RASGRP2: variants seen among roughly 807,000 people sequenced by gnomAD.
RASGRP2 encodes RAS guanyl releasing protein 2.
RASGRP2 carries 44 observed loss-of-function variants against 71.0 expected under a neutral mutation model. The ratio of observed to expected loss-of-function variants is 0.62; its 90% CI spans 0.49 to 0.80. The LOEUF (loss-of-function observed/expected upper bound fraction) is 0.80. Among genes scored for constraint, RASGRP2 ranks in the 30% least tolerant of loss-of-function variants. The pLI, the probability that RASGRP2 is intolerant of heterozygous loss-of-function variation, is 0.00. For synonymous variants in RASGRP2, 350 were observed against 330.7 expected (o/e 1.06, Z -0.63); for missense variants, 663 against 813.4 (o/e 0.82, Z 2.25).
In RASGRP2 at chr11:64,727,334, C is replaced by T. The variant is rs760463983; in HGVS notation, c.1798G>A (p.Val600Met). 28 of 1,613,858 alleles carry T rather than the reference C, an allele frequency of 1.7e-5. No individual in the cohort carries two copies. In the South Asian group the frequency reaches 3.0e-4, roughly 17 times the overall value. ...PEIREEEVQTVEDGVFDIHL is the reference protein window; with the variant it reads ...PEIREEEVQTMEDGVFDIHL ...TGGATGTCAAACACCCCATCCTCCACCGTCTGTACCTCCTCCTCACGGATC... is the reference window on the plus strand; with the variant it reads ...TGGATGTCAAACACCCCATCCTCCATCGTCTGTACCTCCTCCTCACGGATC... Residue 600 changes from valine (V) to methionine (M), a missense_variant, in exon 16 of 17, where the codon GTG (valine) becomes ATG (methionine). Coordinates refer to ENST00000394432, the MANE Select transcript of RASGRP2 (RefSeq NM_001098671.2).
chr11:64,738,879 T>C (rs2058028753), intron 8 of RASGRP2, among the ~76,000 whole-genome samples: 1 of 151,846 alleles, frequency 6.6e-6, no homozygotes, highest in South Asian at 2.1e-4. Context: ...TCTCAGCACT[T>C]TGGGAGGCCA....
At position 64,743,748 on chromosome 11, in the gene RASGRP2, C is replaced by T. The variant is rs1378997479; in HGVS notation, c.-72+255G>A. On this transcript the variant is annotated intron_variant, in intron 1 of 16. Coordinates refer to ENST00000394432, the MANE Select transcript of RASGRP2 (RefSeq NM_001098671.2). This position sits in a 1 kb window ranked among gnomAD's most constrained non-coding sequence, Gnocchi z 4.9. ...AGCAGGGTGTCCAGAGGGGGGCGCTCGCGCCAAGGGTGGCCGGTGGGTGCA... is the reference window on the plus strand; with the variant it reads ...AGCAGGGTGTCCAGAGGGGGGCGCTTGCGCCAAGGGTGGCCGGTGGGTGCA... The T allele has an allele frequency of 6.4e-6, 2 of 314,478 alleles. No individual in the cohort carries two copies. The highest frequency in any genetic ancestry group is 2.4e-5 in the South Asian group (1 of 42,550). 19.5% of individuals were successfully genotyped at this position (314,478 alleles called of 1,614,324 possible).
rs781413213 is a variant in RASGRP2, at chr11:64,736,918, G to C, written c.930C>G (p.Asp310Glu). The part of the protein sequence containing the change: ...RFPILGVHLK[D>E]LVALQLALPD... ...GCAGTGCCAGCTGCAGGGCCACCAG[G>C]TCCTTGAGGTGCACACCCAGGATCG... Residue 310 changes from aspartate (D) to glutamate (E), a missense_variant, in exon 9 of 17, where the codon GAC becomes GAG. Asp to Glu is a conservative substitution (Grantham distance 45). Transcript: ENST00000394432. The C allele has an allele frequency of 6.2e-7, 1 of 1,613,974 alleles. No homozygotes were observed. Among genetic ancestry groups the C allele is most frequent in the East Asian group, 2.2e-5 (1 of 44,884 alleles).
In RASGRP2 at chr11:64,742,985, G is replaced by C. The variant is rs936393883; in HGVS notation, c.-71-48C>G. On this transcript the variant is annotated intron_variant, in intron 1 of 16. Transcript: ENST00000394432. This position sits in a 1 kb window ranked among gnomAD's most constrained non-coding sequence, Gnocchi z 4.7. ...GGAGTCTGCGGAGTCGCGGGCGGGG[G>C]AGCGGCCCCGCGGGCAGAAACGGGG... is the stretch of plus-strand genomic sequence containing the variant. 6.6e-7 allele frequency: 1 copy of C among 1,505,346 alleles called. No homozygotes were observed. The highest frequency in any genetic ancestry group is 8.8e-7 in the Non-Finnish European group (1 of 1,131,164). 93.2% of individuals were successfully genotyped at this position (1,505,346 alleles called of 1,614,324 possible). A position where few individuals can be genotyped will look rare whatever the true frequency, so the allele number is the denominator to read the frequency against.
rs533840067 is a variant in RASGRP2 at position 64,740,922 on chromosome 11, C to G, written c.371+26G>C. ...TGGTATAGGATACTGAGTGCCCCCC[C>G]AGCCCTCTGTGCTCCCCCCACGCAC... On this transcript the variant is annotated intron_variant, in intron 5 of 16. Transcript: ENST00000394432. The G allele has an allele frequency of 9.3e-6, 15 of 1,613,526 alleles. No individual in the cohort carries two copies. In the East Asian group the frequency reaches 2.7e-4, roughly 29 times the overall value.
rs2057904553 is a variant in RASGRP2 at position 64,735,525 on chromosome 11, G to T, written c.1296+17C>A. ...TGGCCTCTCCCCACACACTGCTCAG[G>T]CTCCGCAGGAGCTCACCTCCACCAT... On this transcript the variant is annotated intron_variant, in intron 11 of 16. Coordinates refer to ENST00000394432, the MANE Select transcript of RASGRP2 (RefSeq NM_001098671.2). The surrounding 1 kb of genome is among the most constrained non-coding windows in gnomAD (Gnocchi z 4.2). The T allele has an allele frequency of 1.9e-6, 3 of 1,613,638 alleles. No individual in the cohort carries two copies. The African/African-American group carries it at 4.0e-5, about 22-fold the overall frequency.
chr11:64,737,407 A>C (rs2057976749), intron 8 of RASGRP2, among the ~76,000 whole-genome samples: 1 of 152,180 alleles, frequency 6.6e-6, no homozygotes, highest in South Asian at 2.1e-4. Context: ...GTGGTGGCTC[A>C]CACTTGTAAT....
chr11:64,744,120 C>G lies in RASGRP2; in HGVS notation c.-189G>C, dbSNP rs1399103950. Reference sequence around the variant, plus strand: ...CCACACAGGCGCTGACATCCTCACACGTGTGCACACACGCAAGGCAGTGCC... The same window carrying G: ...CCACACAGGCGCTGACATCCTCACAGGTGTGCACACACGCAAGGCAGTGCC... On this transcript the variant is annotated 5_prime_UTR_variant, in exon 1 of 17. Coordinates refer to ENST00000394432, the MANE Select transcript of RASGRP2 (RefSeq NM_001098671.2). The G allele has an allele frequency of 2.0e-6, 2 of 987,574 alleles. No homozygotes were observed. Among genetic ancestry groups the G allele is most frequent in the African/African-American group, 3.5e-5 (2 of 57,256 alleles). 61.2% of individuals were successfully genotyped at this position (987,574 alleles called of 1,614,324 possible). A position where few individuals can be genotyped will look rare whatever the true frequency, so the allele number is the denominator to read the frequency against.
intron 12 of RASGRP2, 47 bp from the exon 13 acceptor site, chr11:64,730,241 C>A (rs1235307672): frequency 6.4e-7 from 1 of 1,550,878 alleles, no homozygotes; most frequent in Non-Finnish European, 8.7e-7. Flanking sequence ...TCCCCAGAAC[C>A]ATCCACCGCT....
chr11:64,742,217 C>A lies in RASGRP2; in HGVS notation c.74-105G>T. On this transcript the variant is annotated intron_variant, in intron 2 of 16. Coordinates refer to ENST00000394432, the MANE Select transcript of RASGRP2 (RefSeq NM_001098671.2). This position sits in a 1 kb window ranked among gnomAD's most constrained non-coding sequence, Gnocchi z 4.7. ...GGTATCGGTCCTTCGGGTGCACGCTCGACCCCGCCCACCTCCTGCTTGCCC... is the reference window on the plus strand; with the variant it reads ...GGTATCGGTCCTTCGGGTGCACGCTAGACCCCGCCCACCTCCTGCTTGCCC... 3.5e-6 allele frequency: 3 copies of A among 851,960 alleles called. No individual in the cohort carries two copies. The highest frequency in any genetic ancestry group is 2.7e-5 in the East Asian group (1 of 37,660). The allele number at this position is 851,960 out of a possible 1,614,324, so 52.8% of individuals were successfully genotyped here.
intron 16 of RASGRP2, 36 bp downstream of exon 16, chr11:64,727,260 G>C: frequency 6.3e-7 from 1 of 1,591,694 alleles, no homozygotes; most frequent in African/African-American, 1.3e-5. Flanking sequence ...CCAGCCCTCA[G>C]TGGGGAGCTC....
Position 64,739,383 on chromosome 11 carries a change from G to A in RASGRP2, c.790C>T (p.His264Tyr). Residue 264 changes from histidine to tyrosine, a missense_variant, in exon 8 of 17, where the codon CAC (histidine) becomes TAC (tyrosine). Physicochemically the swap from His to Tyr is moderately conservative, Grantham distance 83. Coordinates refer to ENST00000394432, the MANE Select transcript of RASGRP2 (RefSeq NM_001098671.2). The surrounding 1 kb of genome is among the most constrained non-coding windows in gnomAD (Gnocchi z 4.2). ...ACCTTGATGGTCTCAGGGCTAACGT[G>A]GCTGTGGGTCTCCTTGAGGCGGGAG... is the stretch of plus-strand genomic sequence containing the variant. ...SISRLKETHS[H>Y]VSPETIKLWE... 1 of 1,614,178 alleles carries A rather than the reference G, an allele frequency of 6.2e-7. No homozygotes were observed. Among genetic ancestry groups the A allele is most frequent in the Non-Finnish European group, 8.5e-7 (1 of 1,180,018 alleles).
At chr11:64,732,590 G>A (rs1211529329) in intron 12 of RASGRP2, among the ~76,000 whole-genome samples, 4 of 152,018 alleles carry the variant, frequency 2.6e-5, no homozygotes, top group Non-Finnish European at 5.9e-5. Flanking sequence ...TCTGGAGGTC[G>A]AGACCACGGT....
At chr11:64,727,966 G>T (rs2057627876) in intron 15 of RASGRP2, among the ~76,000 whole-genome samples, 1 of 152,164 alleles carries the variant, frequency 6.6e-6, no homozygotes, top group African/African-American at 2.4e-5. Flanking sequence ...CAATGCAAAT[G>T]GATTTATCTT....
chr11:64,730,253 G>T, intron 12 of RASGRP2, 59 bp from the exon 13 acceptor site: 2 of 1,547,420 alleles, frequency 1.3e-6, no homozygotes, highest in South Asian at 1.2e-5. Context: ...TCCACCGCTG[G>T]CCTAACCCAT....
intron 12 of RASGRP2, among the ~76,000 whole-genome samples, chr11:64,731,157 C>T (rs1370753564): frequency 1.3e-5 from 2 of 152,172 alleles, no homozygotes; most frequent in African/African-American, 4.8e-5. Context: ...GAGTTCGAGA[C>T]CAGCCTGGCC....
At chr11:64,732,889 G>A (rs1222523768) in intron 12 of RASGRP2, among the ~76,000 whole-genome samples, 1 of 152,016 alleles carries the variant, frequency 6.6e-6, no homozygotes, top group African/African-American at 2.4e-5. Flanking sequence ...GGCGGAGGTT[G>A]CAGTGAGCCG....
chr11:64,743,958 A>T lies in RASGRP2; in HGVS notation c.-72+45T>A. The T allele has an allele frequency of 1.0e-6, 1 of 1,000,826 alleles. No individual in the cohort carries two copies. The highest frequency in any genetic ancestry group is 1.2e-6 in the Non-Finnish European group (1 of 837,338). 62.0% of individuals were successfully genotyped at this position (1,000,826 alleles called of 1,614,324 possible). A position where few individuals can be genotyped will look rare whatever the true frequency, so the allele number is the denominator to read the frequency against. On this transcript the variant is annotated intron_variant, in intron 1 of 16. Coordinates refer to ENST00000394432, the MANE Select transcript of RASGRP2 (RefSeq NM_001098671.2). The surrounding 1 kb of genome is among the most constrained non-coding windows in gnomAD (Gnocchi z 4.9). ...CCGTCTCTCACACACAATGGCACCC[A>T]CACCCTGTGCACACCTGCACGAAGA...
In RASGRP2 at chr11:64,730,308, C is replaced by A. The variant is rs1440408613; in HGVS notation, c.1413-114G>T. 10 of 1,368,568 alleles carry A rather than the reference C, an allele frequency of 7.3e-6. No individual in the cohort carries two copies. The Admixed American group carries it at 8.2e-5, about 11-fold the overall frequency. The allele number at this position is 1,368,568 out of a possible 1,614,324, so 84.8% of individuals were successfully genotyped here. On this transcript the variant is annotated intron_variant, in intron 12 of 16. Coordinates refer to ENST00000394432, the MANE Select transcript of RASGRP2 (RefSeq NM_001098671.2). ...TCATGGAACTCCTGATTTTGGACTC[C>A]TGTTGCAGAGTAAAGAAAAGGCGGC...
Sources: allele counts gnomAD v4.1 joint callset (sites outside exome capture counted in the v4.1 genomes callset), GRCh38; gene constraint gnomAD v4.1.1; non-coding constraint Gnocchi (gnomAD v3.1); transcripts MANE v1.5; gene names NCBI Gene and HGNC (gene_info 2026-07-23, HGNC 2026-07-21).